The following CDH4 variants were observed in gnomAD, a reference collection of about 807,000 sequenced individuals.
CDH4 encodes the protein cadherin-4.
Under a neutral mutation model 86.0 loss-of-function variants are expected in CDH4, and 33 were observed. The observed-to-expected ratio is 0.38, with a 90% CI of 0.29 to 0.51. The LOEUF (loss-of-function observed/expected upper bound fraction) is 0.51. CDH4 is among the 20% of genes least tolerant of loss of function. The pLI is 0.86. For synonymous variants in CDH4, 555 were observed against 549.4 expected, an observed-to-expected ratio of 1.01 and a Z score of -0.14; for missense variants, 1,114 against 1,307.4, an observed-to-expected ratio of 0.85 and a Z score of 2.28.
chr20:61,288,570 A>G (rs1032890054), intron 2 of CDH4, among the ~76,000 whole-genome samples: 1 of 152,216 alleles, frequency 6.6e-6, no homozygotes, highest in African/African-American at 2.4e-5. Flanking sequence ...CTGTGCAGCC[A>G]GGCCCTGATG....
At chr20:61,442,337 C>A (rs1172943319) in intron 2 of CDH4, among the ~76,000 whole-genome samples, 5 of 152,226 alleles carry the variant, frequency 3.3e-5, no homozygotes. Flanking sequence ...CCGAATACTC[C>A]ACTTGCAGAA....
At chr20:61,456,054 GGAAA>G (rs1418541737) in intron 2 of CDH4, among the ~76,000 whole-genome samples, 1 of 151,830 alleles carries the variant, frequency 6.6e-6, no homozygotes, top group African/African-American at 2.4e-5. Flanking sequence ...AAGGAAGGAA[GGAAA>G]GAGAGAGGGA....
At chr20:61,792,937 C>T (rs562879867) in intron 4 of CDH4, among the ~76,000 whole-genome samples, 78 of 151,872 alleles carry the variant, frequency 5.1e-4, no homozygotes, top group African/African-American at 1.9e-3. Context: ...GCATGAGCCA[C>T]CGTGCCTGGC....
chr20:61,528,502 G>T lies in CDH4; in HGVS notation c.170-215061G>T, dbSNP rs111312993. ...GAGAAAATACAGGCTGGGCACAGTG[G>T]CTCACACCTGTAATCCCAGCACTTT... On this transcript the variant is annotated intron_variant, in intron 2 of 15. Transcript: ENST00000614565. 8.6e-3 allele frequency among the ~76,000 whole-genome samples: 1,264 copies of T among 147,832 alleles called. 5 individuals carry two copies. Among genetic ancestry groups the T allele is most frequent in the Non-Finnish European group, 0.014 (932 of 67,060 alleles).
rs16985568 is a variant in CDH4, at chr20:61,775,413, G to A, written c.576+2231G>A. Among the ~76,000 whole-genome samples, 859 of 152,148 alleles carry A rather than the reference G, an allele frequency of 5.6e-3. 8 individuals carry two copies. The highest frequency in any genetic ancestry group is 0.019 in the African/African-American group (805 of 41,510). On this transcript the variant is annotated intron_variant, in intron 4 of 15. Transcript: ENST00000614565. The stretch of plus-strand genomic sequence containing the variant: ...ACATTGCCCCTGGTAGACAGTCATC[G>A]ATCTTACTCTGGGGTCAGCAAACCT...
chr20:61,622,805 A>T (rs2086789543), intron 2 of CDH4, among the ~76,000 whole-genome samples: 1 of 152,120 alleles, frequency 6.6e-6, no homozygotes, highest in South Asian at 2.1e-4. Context: ...GACAGCCAAG[A>T]CCATCTCCAA....
chr20:61,788,814 G>T (rs947023807), intron 4 of CDH4, among the ~76,000 whole-genome samples: 1 of 152,234 alleles, frequency 6.6e-6, no homozygotes, highest in South Asian at 2.1e-4. Flanking sequence ...TGGGAGACGA[G>T]GCCCAAAAGC....
At chr20:61,628,868 C>T (rs532010365) in intron 2 of CDH4, among the ~76,000 whole-genome samples, 1 of 152,360 alleles carries the variant, frequency 6.6e-6, no homozygotes, top group Admixed American at 6.5e-5. Context: ...TGATGGGCCC[C>T]TCTCCTTCCT....
At chr20:61,920,693 T>C (rs897205536) in intron 9 of CDH4, among the ~76,000 whole-genome samples, 20 of 148,358 alleles carry the variant, frequency 1.3e-4, no homozygotes, top group Non-Finnish European at 2.5e-4. Context: ...GTCGTGATGA[T>C]TGCATGGAAG....
chr20:61,297,689 CA>C (rs1568787218), intron 2 of CDH4, among the ~76,000 whole-genome samples: 1 of 152,258 alleles, frequency 6.6e-6, no homozygotes, highest in African/African-American at 2.4e-5. Flanking sequence ...CCACCTAGAG[CA>C]GGCTGGATTC....
At chr20:61,569,109 G>A (rs55811258) in intron 2 of CDH4, among the ~76,000 whole-genome samples, 12,133 of 152,156 alleles carry the variant, frequency 0.08, 1,021 homozygotes, top group African/African-American at 0.21. Context: ...TCCTGGCCGC[G>A]CCACTTGTCC....
At chr20:61,819,559 C>T (rs1388547047) in intron 4 of CDH4, among the ~76,000 whole-genome samples, 1 of 152,238 alleles carries the variant, frequency 6.6e-6, no homozygotes, top group Non-Finnish European at 1.5e-5. Flanking sequence ...TTCATGATGA[C>T]AGCACTGCAC....
Position 61,732,401 on chromosome 20 carries a change from G to A in CDH4, c.170-11162G>A, listed in dbSNP as rs542819831. Reference sequence around the variant, plus strand: ...TGGAATCAAATCCAGAAATCGTACTGGGGCTCCCGGAGCCCACAGGCACTG... The same window carrying A: ...TGGAATCAAATCCAGAAATCGTACTAGGGCTCCCGGAGCCCACAGGCACTG... On this transcript the variant is annotated intron_variant, in intron 2 of 15. Transcript: ENST00000614565. Among the ~76,000 whole-genome samples, 165 of 152,182 alleles carry A rather than the reference G, an allele frequency of 1.1e-3. 2 individuals carry two copies. In the Middle Eastern group the frequency reaches 0.017, roughly 16 times the overall value.
intron 6 of CDH4, among the ~76,000 whole-genome samples, chr20:61,873,375 C>T (rs147563259): frequency 4.2e-4 from 64 of 152,348 alleles, no homozygotes; most frequent in African/African-American, 1.5e-3. Context: ...GACGCACTGT[C>T]GGGGCCTCAG....
intron 2 of CDH4, among the ~76,000 whole-genome samples, chr20:61,288,525 G>C (rs2084305002): frequency 1.3e-5 from 2 of 152,350 alleles, no homozygotes; most frequent in South Asian, 4.1e-4. Context: ...CTGAGCATGG[G>C]CTGGGGGCTC....
intron 2 of CDH4, among the ~76,000 whole-genome samples, chr20:61,620,827 T>C (rs1402636168): frequency 3.3e-5 from 5 of 152,236 alleles, no homozygotes; most frequent in African/African-American, 9.6e-5. Flanking sequence ...ACATTCTCCC[T>C]GGCCATGCCA....
intron 8 of CDH4, among the ~76,000 whole-genome samples, chr20:61,909,023 C>CT (rs1324110257): frequency 6.6e-6 from 1 of 152,224 alleles, no homozygotes; most frequent in Non-Finnish European, 1.5e-5. Flanking sequence ...TTGGTCACCT[C>CT]TTTAAAAGTC....
chr20:61,660,363 C>A (rs574774569), intron 2 of CDH4, among the ~76,000 whole-genome samples: 191 of 152,320 alleles, frequency 1.3e-3, no homozygotes, highest in African/African-American at 4.5e-3. Flanking sequence ...CTTTGGTGCT[C>A]CTATGAATCA....
At chr20:61,421,008 G>T (rs889093853) in intron 2 of CDH4, among the ~76,000 whole-genome samples, 1 of 152,386 alleles carries the variant, frequency 6.6e-6, no homozygotes, top group Admixed American at 6.5e-5. Context: ...AGGCCTGCCA[G>T]CCATGTGGAT....
Sources: gnomAD v4.1 joint callset for allele counts (sites outside exome capture counted in the v4.1 genomes callset) on GRCh38, gnomAD v4.1.1 for gene constraint, MANE v1.5 for transcripts, NCBI Gene and HGNC (gene_info 2026-07-23, HGNC 2026-07-21) for gene names.